CRYBA4: variants seen among roughly 807,000 people sequenced by gnomAD.
CRYBA4 encodes crystallin beta A4.
In CRYBA4, 30 loss-of-function variants were observed where a neutral mutation model predicts 31.7. The ratio of observed to expected loss-of-function variants is 0.95; its 90% CI spans 0.71 to 1.28. CRYBA4 has a LOEUF of 1.28. CRYBA4 is among the 50% of genes most tolerant of loss of function. The pLI is 0.00. For synonymous variants in CRYBA4, 102 were observed against 102.3 expected (o/e 1.00, Z 0.02); for missense variants, 225 against 260.7 (o/e 0.86, Z 0.94).
chr22:26,610,368 C>A, the CRYBA4 span, among the ~76,000 whole-genome samples: 1 of 152,158 alleles, frequency 6.6e-6, no homozygotes, highest in Non-Finnish European at 1.5e-5. Context: ...GCCCTGCCAG[C>A]GCCCACACAG....
At chr22:26,611,515 C>T in the CRYBA4 span, among the ~76,000 whole-genome samples, 9 of 150,640 alleles carry the variant, frequency 6.0e-5, no homozygotes, top group East Asian at 1.9e-4. Flanking sequence ...TCGCCCAGGC[C>T]GGACTGCAGA....
chr22:26,623,214 T>C lies in CRYBA4; in HGVS notation c.40-20T>C, dbSNP rs1175289061. ...CGGGACTCTGATGCGGATCTCCACC[T>C]TTTTTTTTTCCTGGCACAGATGGTG... On this transcript the variant is annotated intron_variant, in intron 2 of 5. Transcript: ENST00000354760. 9 of 1,214,658 alleles carry C rather than the reference T, an allele frequency of 7.4e-6. No homozygotes were observed. Among genetic ancestry groups the C allele is most frequent in the Middle Eastern group, 2.1e-4 (1 of 4,698 alleles). 75.2% of individuals were successfully genotyped at this position (1,214,658 alleles called of 1,614,324 possible).
chr22:26,590,232 G>T, the CRYBA4 span: 1 of 150,346 alleles, frequency 6.7e-6, no homozygotes, highest in Admixed American at 6.6e-5. Flanking sequence ...TGCGCCTCGG[G>T]ACCGCGAGGT....
At chr22:26,627,376 C>CTTTCTT (rs1929745594) in intron 4 of CRYBA4, among the ~76,000 whole-genome samples, 1 of 58,480 alleles carries the variant, frequency 1.7e-5, no homozygotes, top group African/African-American at 1.2e-4. Context: ...TTCTTTCTTT[C>CTTTCTT]TTTCTTTCTT....
upstream of CRYBA4, among the ~76,000 whole-genome samples, chr22:26,619,125 TG>T (rs34421733): frequency 3.3e-5 from 5 of 151,972 alleles, no homozygotes; most frequent in African/African-American, 1.2e-4. Context: ...GTGGTTCCAA[TG>T]GATCGGAACA....
chr22:26,603,380 A>AT, the CRYBA4 span, among the ~76,000 whole-genome samples: 9 of 150,386 alleles, frequency 6.0e-5, no homozygotes, highest in East Asian at 1.8e-3. Context: ...AAATGCAAAA[A>AT]TTAGCCAGGT....
chr22:26,617,974 TACCTGGGG>T (rs1929412052), upstream of CRYBA4: 1 of 153,260 alleles, frequency 6.5e-6, no homozygotes, highest in South Asian at 2.1e-4. Context: ...GGTTCCCTCT[TACCTGGGG>T]ACTTGCTACT....
chr22:26,628,267 CTG>C lies in CRYBA4; in HGVS notation c.301-17_301-16del. 3 of 1,613,850 alleles carry C rather than the reference CTG, an allele frequency of 1.9e-6. No individual in the cohort carries two copies. Among genetic ancestry groups the C allele is most frequent in the South Asian group, 2.2e-5 (2 of 91,044 alleles). Reference sequence around the variant, plus strand: ...TCCAACTGGGAGCCTGCTGGTCTGACTGTGTTCCCTGTTCCTGTAGAACCACC... The same window carrying C: ...TCCAACTGGGAGCCTGCTGGTCTGACTGTTCCCTGTTCCTGTAGAACCACC... On this transcript the variant is annotated intron_variant, in intron 4 of 5. Coordinates refer to ENST00000354760, the MANE Select transcript of CRYBA4 (RefSeq NM_001886.3).
upstream of CRYBA4, among the ~76,000 whole-genome samples, chr22:26,617,077 T>C (rs1929380601): frequency 6.6e-6 from 1 of 152,060 alleles, no homozygotes; most frequent in South Asian, 2.1e-4. Context: ...GAGGGGTTGG[T>C]GTATGGGTGC....
At chr22:26,602,205 C>T in the CRYBA4 span, among the ~76,000 whole-genome samples, 3 of 152,206 alleles carry the variant, frequency 2.0e-5, no homozygotes, top group East Asian at 1.9e-4. Flanking sequence ...ACAACTCCCA[C>T]GTCATAGGGT....
the CRYBA4 span, among the ~76,000 whole-genome samples, chr22:26,615,226 G>A: frequency 5.3e-5 from 8 of 152,346 alleles, no homozygotes; most frequent in African/African-American, 1.9e-4. Context: ...CCAAATCCCA[G>A]GGGACTGGAC....
At chr22:26,598,987 G>C in the CRYBA4 span, among the ~76,000 whole-genome samples, 1 of 152,224 alleles carries the variant, frequency 6.6e-6, no homozygotes, top group Admixed American at 6.5e-5. Flanking sequence ...TCCCCTCTCT[G>C]AACCTCAATT....
chr22:26,630,402 A>AT lies in CRYBA4; in HGVS notation c.508dup (p.Ser170PhefsTer3). The AT allele has an allele frequency of 1.2e-6, 2 of 1,614,224 alleles. No individual in the cohort carries two copies. The highest frequency in any genetic ancestry group is 1.7e-6 in the Non-Finnish European group (2 of 1,180,030). ...CAGTATGTGCTGGAATGCGATCACCATTCCGGTGACTACAAACATTTCCGG... is the reference window on the plus strand; with the variant it reads ...CAGTATGTGCTGGAATGCGATCACCATTTCCGGTGACTACAAACATTTCCGG... On this transcript the variant is annotated frameshift_variant, in exon 6 of 6. Coordinates refer to ENST00000354760, the MANE Select transcript of CRYBA4 (RefSeq NM_001886.3). LOFTEE classifies it high-confidence loss of function.
At chr22:26,597,820 A>G in the CRYBA4 span, among the ~76,000 whole-genome samples, 1 of 152,228 alleles carries the variant, frequency 6.6e-6, no homozygotes, top group African/African-American at 2.4e-5. Flanking sequence ...TGATTAAATC[A>G]AGGAGGAAAA....
In CRYBA4 at chr22:26,625,552, G is replaced by A. The variant is rs1929677270; in HGVS notation, c.230G>A (p.Trp77Ter). ...YILERGEYPS[W>*]DAWGGNTAYP... Reference sequence around the variant, plus strand: ...CTGGAACGAGGCGAATATCCAAGCTGGGATGCCTGGGGCGGCAACACGGCC... The same window carrying A: ...CTGGAACGAGGCGAATATCCAAGCTAGGATGCCTGGGGCGGCAACACGGCC... Residue 77 changes from tryptophan to a stop codon, truncating the protein, a stop_gained, in exon 4 of 6, where the codon TGG becomes TAG. Coordinates refer to ENST00000354760, the MANE Select transcript of CRYBA4 (RefSeq NM_001886.3). LOFTEE classifies it high-confidence loss of function. 1.2e-6 allele frequency: 2 copies of A among 1,613,928 alleles called. No individual in the cohort carries two copies. The highest frequency in any genetic ancestry group is 2.2e-5 in the South Asian group (2 of 91,084).
the CRYBA4 span, among the ~76,000 whole-genome samples, chr22:26,615,500 C>T: frequency 6.6e-6 from 1 of 151,822 alleles, no homozygotes; most frequent in Admixed American, 6.6e-5. Context: ...ACTATAGGTC[C>T]CCTTTTTCTT....
chr22:26,623,202 C>A, intron 2 of CRYBA4, 32 bp from the exon 3 acceptor site: 1 of 1,567,476 alleles, frequency 6.4e-7, no homozygotes, highest in Non-Finnish European at 8.8e-7. Context: ...GACTCTGATG[C>A]GGATCTCCAC....
upstream of CRYBA4, among the ~76,000 whole-genome samples, chr22:26,617,531 C>CA (rs1167140048): frequency 6.6e-6 from 1 of 152,138 alleles, no homozygotes; most frequent in Non-Finnish European, 1.5e-5. Flanking sequence ...AACACTCCCC[C>CA]AGGGCTGGCA....
chr22:26,618,504 GT>G (rs1477462207), upstream of CRYBA4, among the ~76,000 whole-genome samples: 4 of 148,196 alleles, frequency 2.7e-5, no homozygotes, highest in African/African-American at 1.1e-4. Context: ...GCACAGAAGC[GT>G]TTTGTAAAGG....
Sources: allele counts gnomAD v4.1 joint callset (sites outside exome capture counted in the v4.1 genomes callset), GRCh38; gene constraint gnomAD v4.1.1; transcripts MANE v1.5; gene names NCBI Gene and HGNC (gene_info 2026-07-23, HGNC 2026-07-21).